The following CSMD3 variants were observed in gnomAD, a reference collection of about 807,000 sequenced individuals.
CSMD3 encodes CUB and Sushi multiple domains 3.
A neutral mutation model predicts 435.2 loss-of-function variants in CSMD3; 177 were observed. That is an observed-to-expected ratio of 0.41 (90% CI 0.36 to 0.46). CSMD3 has a LOEUF of 0.46. CSMD3 is among the 20% of genes least tolerant of loss of function. The pLI, the probability that CSMD3 is intolerant of heterozygous loss-of-function variation, is 0.34. For synonymous variants in CSMD3, 1,656 were observed against 1,520.5 expected, an observed-to-expected ratio of 1.09 and a Z score of -2.07; for missense variants, 4,265 against 4,504.6, an observed-to-expected ratio of 0.95 and a Z score of 1.52.
chr8:112,463,765 A>C (rs725369), intron 32 of CSMD3, among the ~76,000 whole-genome samples: 1 of 152,024 alleles, frequency 6.6e-6, no homozygotes, highest in Non-Finnish European at 1.5e-5. Flanking sequence ...CTGTGTGGCT[A>C]TTGGTTGTGT....
chr8:112,293,933 C>A (rs1267391402), intron 54 of CSMD3, among the ~76,000 whole-genome samples: 7 of 152,054 alleles, frequency 4.6e-5, no homozygotes, highest in African/African-American at 9.7e-5. Flanking sequence ...ACCAGTTTTA[C>A]CCTAAGGGCC....
At chr8:112,738,420 T>G (rs919108465) in intron 13 of CSMD3, among the ~76,000 whole-genome samples, 1 of 151,788 alleles carries the variant, frequency 6.6e-6, no homozygotes, top group African/African-American at 2.4e-5. Context: ...ACTATTTATA[T>G]AATAATTATT....
At chr8:113,409,516 C>T (rs966089977) in intron 1 of CSMD3, among the ~76,000 whole-genome samples, 5 of 152,086 alleles carry the variant, frequency 3.3e-5, no homozygotes, top group Non-Finnish European at 5.9e-5. Context: ...ATGCCTTGAC[C>T]GGCACTGTAT....
intron 5 of CSMD3, among the ~76,000 whole-genome samples, chr8:113,050,376 T>C (rs2088035588): frequency 6.6e-6 from 1 of 152,090 alleles, no homozygotes; most frequent in African/African-American, 2.4e-5. Context: ...TAAAAACATT[T>C]GTATTCTACA....
intron 11 of CSMD3, among the ~76,000 whole-genome samples, chr8:112,846,616 C>T (rs2080328677): frequency 6.6e-6 from 1 of 151,836 alleles, no homozygotes; most frequent in African/African-American, 2.4e-5. Context: ...TGCTATGTTG[C>T]TCAGGATGGT....
chr8:112,603,337 G>A (rs557662836), intron 22 of CSMD3, among the ~76,000 whole-genome samples: 1 of 152,292 alleles, frequency 6.6e-6, no homozygotes, highest in African/African-American at 2.4e-5. Context: ...AAATTTTACT[G>A]CACTATGCAG....
intron 12 of CSMD3, among the ~76,000 whole-genome samples, chr8:112,826,990 A>G (rs1373768035): frequency 1.3e-5 from 2 of 151,542 alleles, no homozygotes; most frequent in South Asian, 4.2e-4. Context: ...TTTTTCTAAC[A>G]TTGAAATAGG....
chr8:113,355,749 TAC>T (rs1554618938), intron 1 of CSMD3, among the ~76,000 whole-genome samples: 2 of 81,324 alleles, frequency 2.5e-5, no homozygotes, highest in African/African-American at 5.6e-5. Flanking sequence ...TATATATATA[TAC>T]ACACACACAC....
Position 113,052,399 on chromosome 8 carries a change from C to T in CSMD3, c.918-33220G>A, listed in dbSNP as rs78431490. 8.5e-4 allele frequency among the ~76,000 whole-genome samples: 129 copies of T among 152,260 alleles called. 1 individual carries two copies. The East Asian group carries it at 0.016, about 19-fold the overall frequency. On this transcript the variant is annotated intron_variant, in intron 5 of 70. Transcript: ENST00000297405. ...ATCTGTAAGTAAAGGATACATTCAACGGGATTTGAATTCAATTTTTTTAAA... is the reference window on the plus strand; with the variant it reads ...ATCTGTAAGTAAAGGATACATTCAATGGGATTTGAATTCAATTTTTTTAAA...
intron 27 of CSMD3, among the ~76,000 whole-genome samples, chr8:112,536,160 A>C (rs1056844217): frequency 6.6e-6 from 1 of 152,008 alleles, no homozygotes; most frequent in African/African-American, 2.4e-5. Flanking sequence ...ACAAAAGCCA[A>C]AATTGACAAA....
In CSMD3 at chr8:113,314,807, C is replaced by A. The variant is rs374811575; in HGVS notation, c.179-14G>T. The A allele has an allele frequency of 6.2e-5, 88 of 1,418,206 alleles. No individual in the cohort carries two copies. Among genetic ancestry groups the A allele is most frequent in the Middle Eastern group, 5.3e-4 (3 of 5,696 alleles). 87.9% of individuals were successfully genotyped at this position (1,418,206 alleles called of 1,614,324 possible). On this transcript the variant is annotated splice_polypyrimidine_tract_variant and intron_variant, in intron 1 of 70. Coordinates refer to ENST00000297405, the MANE Select transcript of CSMD3 (RefSeq NM_198123.2). ...TATAAATAAATCCTGCAACAAAAGA[C>A]AATAAACAGACATTAATATTATATA...
intron 38 of CSMD3, among the ~76,000 whole-genome samples, chr8:112,363,826 T>C (rs777842789): frequency 1.1e-4 from 17 of 152,048 alleles, no homozygotes; most frequent in Non-Finnish European, 2.2e-4. Flanking sequence ...ATGCAATGTA[T>C]TCTGAGTTAA....
intron 27 of CSMD3, chr8:112,539,236 C>T (rs531677104): frequency 6.5e-6 from 1 of 152,806 alleles, no homozygotes; most frequent in African/African-American, 2.4e-5. Context: ...AAATATACTA[C>T]ATACAATGCA....
chr8:113,056,301 G>C (rs1310059746), intron 5 of CSMD3, among the ~76,000 whole-genome samples: 1 of 152,170 alleles, frequency 6.6e-6, no homozygotes, highest in Non-Finnish European at 1.5e-5. Flanking sequence ...CTGAATGCCA[G>C]TGTTAGAAAG....
intron 36 of CSMD3, among the ~76,000 whole-genome samples, chr8:112,384,542 GAATAACTTTATTAA>G (rs1829767457): frequency 2.0e-5 from 3 of 152,134 alleles, no homozygotes; most frequent in African/African-American, 7.2e-5. Context: ...GGAAGGAAAG[GAATAACTTTATTAA>G]AAGTTTTTTA....
intron 12 of CSMD3, among the ~76,000 whole-genome samples, chr8:112,820,134 C>T (rs1050846652): frequency 1.3e-5 from 2 of 151,958 alleles, no homozygotes; most frequent in Non-Finnish European, 2.9e-5. Flanking sequence ...CATTCCTGCC[C>T]TCCAATATAG....
In CSMD3 at chr8:112,405,183, C is replaced by CAAAAAAAAA. The variant is rs1274747452; in HGVS notation, c.5809+1332_5809+1340dup. Among the ~76,000 whole-genome samples the CAAAAAAAAA allele has an allele frequency of 1.6e-3, 11 of 6,766 alleles. 2 individuals carry two copies. Among genetic ancestry groups the CAAAAAAAAA allele is most frequent in the East Asian group, 4.4e-3 (1 of 226 alleles). The allele number at this position is 6,766 out of a possible 152,430, so 4.4% of individuals were successfully genotyped here. ...TGAGCGACACAGCAAGACTCTCTCT[C>CAAAAAAAAA]AAAAAAAAAAAAAAAAAAAAAAAAA... On this transcript the variant is annotated intron_variant, in intron 35 of 70. Coordinates refer to ENST00000297405, the MANE Select transcript of CSMD3 (RefSeq NM_198123.2).
intron 13 of CSMD3, among the ~76,000 whole-genome samples, chr8:112,702,384 G>A (rs1323832556): frequency 1.3e-5 from 2 of 152,050 alleles, no homozygotes; most frequent in African/African-American, 2.4e-5. Flanking sequence ...TATATGGTCC[G>A]CTTAATACAT....
At position 113,228,578 on chromosome 8, in the gene CSMD3, T is replaced by A. The variant is rs1226767787; in HGVS notation, c.514+50014A>T. 2.7e-5 allele frequency among the ~76,000 whole-genome samples: 4 copies of A among 147,024 alleles called. No homozygotes were observed. In the Admixed American group the frequency reaches 2.7e-4, roughly 10 times the overall value. On this transcript the variant is annotated intron_variant, in intron 3 of 70. Transcript: ENST00000297405. The stretch of plus-strand genomic sequence containing the variant: ...TTTAAATACATTTCATTGAGCACTT[T>A]AAAAAAAAAACAGGGCCAAACATAT...
Sources: allele counts gnomAD v4.1 joint callset (sites outside exome capture counted in the v4.1 genomes callset), GRCh38; gene constraint gnomAD v4.1.1; transcripts MANE v1.5; gene names NCBI Gene and HGNC (gene_info 2026-07-23, HGNC 2026-07-21).